Variants in MET observed in about 807,000 individuals in gnomAD.
MET encodes the protein hepatocyte growth factor receptor.
Under a neutral mutation model 133.1 loss-of-function variants are expected in MET, and 48 were observed. The observed-to-expected ratio is 0.36, with a 90% CI of 0.29 to 0.46. The LOEUF (loss-of-function observed/expected upper bound fraction) is 0.46. Among genes scored for constraint, MET ranks in the 20% least tolerant of loss-of-function variants. The probability of loss-of-function intolerance (pLI) is 1.00; values close to 1 mark genes in which losing one functional copy is unlikely to be tolerated. For synonymous variants in MET, 628 were observed against 616.5 expected (o/e 1.02, Z -0.28); for missense variants, 1,442 against 1,695.9 (o/e 0.85, Z 2.63).
At chr7:116,717,893 T>G (rs1378627162) in intron 2 of MET, among the ~76,000 whole-genome samples, 1 of 152,194 alleles carries the variant, frequency 6.6e-6, no homozygotes, top group Non-Finnish European at 1.5e-5. Context: ...CACTTCAATT[T>G]TCTTTTTATA....
At chr7:116,763,384 A>G (rs560089517) in intron 11 of MET, 116 bp downstream of exon 11, 5 of 910,562 alleles carry the variant, frequency 5.5e-6, no homozygotes, top group African/African-American at 3.3e-5. Context: ...ACCAGCAAAT[A>G]TATAAACTCT....
intron 2 of MET, among the ~76,000 whole-genome samples, chr7:116,727,735 C>T (rs1792850123): frequency 6.6e-6 from 1 of 152,142 alleles, no homozygotes; most frequent in South Asian, 2.1e-4. Flanking sequence ...CCAGCTAGGC[C>T]CCAGCCCCAC....
At chr7:116,747,932 A>G (rs951203761) in intron 5 of MET, among the ~76,000 whole-genome samples, 1 of 152,182 alleles carries the variant, frequency 6.6e-6, no homozygotes, top group South Asian at 2.1e-4. Context: ...ACTACAATCA[A>G]ATTAGAACTC....
At chr7:116,737,690 T>C (rs1460172025) in intron 3 of MET, among the ~76,000 whole-genome samples, 1 of 152,214 alleles carries the variant, frequency 6.6e-6, no homozygotes. Context: ...TTTCCTGTTA[T>C]GAAAGTACAA....
chr7:116,765,676 T>C (rs997587482), intron 11 of MET, among the ~76,000 whole-genome samples: 12 of 152,140 alleles, frequency 7.9e-5, no homozygotes, highest in African/African-American at 2.9e-4. Context: ...AGGTACCTCT[T>C]TGTGGGTATA....
rs144559852 is a variant in MET at position 116,797,368 on chromosome 7, G to A, written c.*1244G>A. On this transcript the variant is annotated 3_prime_UTR_variant, in exon 21 of 21. Coordinates refer to ENST00000397752, the MANE Select transcript of MET (RefSeq NM_000245.4). ...TGTCTCGGTGGCAGGTTCCCACCTC[G>A]CAAGCAATTGGAAACAAAACTTTTG... 146 of 225,386 alleles carry A rather than the reference G, an allele frequency of 6.5e-4. 2 individuals carry two copies. The South Asian group carries it at 6.9e-3, about 11-fold the overall frequency. The allele number at this position is 225,386 out of a possible 1,614,324, so 14.0% of individuals were successfully genotyped here.
chr7:116,755,315 T>G, intron 5 of MET, 40 bp from the exon 6 acceptor site: 1 of 1,605,250 alleles, frequency 6.2e-7, no homozygotes, highest in Non-Finnish European at 8.5e-7. Flanking sequence ...AAAATTATAA[T>G]ATATTGGGTT....
intron 1 of MET, among the ~76,000 whole-genome samples, chr7:116,684,737 G>A (rs1409176560): frequency 3.3e-5 from 5 of 152,196 alleles, no homozygotes; most frequent in African/African-American, 9.7e-5. Flanking sequence ...ATGGTGTGAT[G>A]GCAAGAGGCA....
At position 116,758,576 on chromosome 7, in the gene MET, A is replaced by C. The variant is rs1554395720; in HGVS notation, c.2220A>C (p.Glu740Asp). 6.2e-7 allele frequency: 1 copy of C among 1,613,890 alleles called. No individual in the cohort carries two copies. Among genetic ancestry groups the C allele is most frequent in the Non-Finnish European group, 8.5e-7 (1 of 1,179,880 alleles). ...NRETSIFSYR[E>D]DPIVYEIHPT... ...AGACAAGCATCTTCAGTTACCGTGA[A>C]GATCCCATTGTCTATGAAATTCATC... Residue 740 changes from glutamate (E) to aspartate (D), a missense_variant, in exon 9 of 21, where the codon GAA becomes GAC. Physicochemically the swap from Glu to Asp is conservative, Grantham distance 45. Transcript: ENST00000397752.
intron 5 of MET, among the ~76,000 whole-genome samples, chr7:116,746,635 A>G (rs1473751270): frequency 1.3e-5 from 2 of 152,214 alleles, no homozygotes; most frequent in Non-Finnish European, 1.5e-5. Flanking sequence ...TTGTAGGGAC[A>G]TGGATGAAGC....
At chr7:116,790,544 G>A (rs1473470938) in intron 19 of MET, among the ~76,000 whole-genome samples, 1 of 151,860 alleles carries the variant, frequency 6.6e-6, no homozygotes, top group Non-Finnish European at 1.5e-5. Flanking sequence ...ATACCTCTTG[G>A]CTATTATGAA....
chr7:116,698,326 T>C (rs576606062), intron 1 of MET, among the ~76,000 whole-genome samples: 2 of 152,292 alleles, frequency 1.3e-5, no homozygotes, highest in East Asian at 3.9e-4. Context: ...TAATGAACAA[T>C]ATGTTGTTTT....
chr7:116,735,068 C>G (rs1354775439), intron 3 of MET, among the ~76,000 whole-genome samples: 1 of 152,150 alleles, frequency 6.6e-6, no homozygotes, highest in Non-Finnish European at 1.5e-5. Context: ...TGGGGAGGCC[C>G]TTTCAAGAAT....
intron 10 of MET, among the ~76,000 whole-genome samples, chr7:116,761,017 G>A (rs1794382229): frequency 6.6e-6 from 1 of 152,146 alleles, no homozygotes; most frequent in South Asian, 2.1e-4. Flanking sequence ...AGAAATCTGA[G>A]AAATTATTAG....
chr7:116,741,567 G>A (rs553864000), intron 5 of MET, among the ~76,000 whole-genome samples: 129 of 152,274 alleles, frequency 8.5e-4, no homozygotes, highest in African/African-American at 2.9e-3. Context: ...CTTCCTGTCC[G>A]ATGCATAGAT....
At chr7:116,789,854 G>A (rs530088642) in intron 19 of MET, among the ~76,000 whole-genome samples, 176 of 152,322 alleles carry the variant, frequency 1.2e-3, no homozygotes, top group African/African-American at 3.2e-3. Context: ...AAGATGTGCA[G>A]ATTTGTTACG....
At chr7:116,680,366 A>G (rs1464841967) in intron 1 of MET, among the ~76,000 whole-genome samples, 1 of 152,212 alleles carries the variant, frequency 6.6e-6, no homozygotes, top group African/African-American at 2.4e-5. Context: ...AGGTCTCACA[A>G]CTTGAAAAAT....
chr7:116,683,920 A>G (rs955567094), intron 1 of MET, among the ~76,000 whole-genome samples: 2 of 152,182 alleles, frequency 1.3e-5, no homozygotes, highest in African/African-American at 4.8e-5. Context: ...TACTTACAAA[A>G]CACATTCACA....
At chr7:116,753,796 A>G (rs183609864) in intron 5 of MET, among the ~76,000 whole-genome samples, 116 of 152,370 alleles carry the variant, frequency 7.6e-4, no homozygotes, top group Middle Eastern at 3.4e-3. Context: ...CCTGGTATAC[A>G]TCAAATAGTG....
Sources: gnomAD v4.1 joint callset for allele counts (sites outside exome capture counted in the v4.1 genomes callset) on GRCh38, gnomAD v4.1.1 for gene constraint, MANE v1.5 for transcripts, NCBI Gene and HGNC (gene_info 2026-07-23, HGNC 2026-07-21) for gene names.